Variants in PCDHA9 observed in about 807,000 individuals in gnomAD.
PCDHA9 encodes the protein protocadherin alpha 9.
A neutral mutation model predicts 62.0 loss-of-function variants in PCDHA9; 62 were observed. The ratio of observed to expected loss-of-function variants is 1.00; its 90% CI spans 0.81 to 1.23. The LOEUF (loss-of-function observed/expected upper bound fraction) is 1.23, where lower values mean the gene tolerates loss of function less well. PCDHA9 is among the 50% of genes most tolerant of loss of function. PCDHA9 has a pLI of 0.00. For missense variants in PCDHA9, 1,205 were observed against 1,249.8 expected (o/e 0.96, Z 0.54); for synonymous variants, 557 against 567.6 (o/e 0.98, Z 0.27).
chr5:140,871,445 A>C, intron 1 of PCDHA9: 1 of 1,609,986 alleles, frequency 6.2e-7, no homozygotes, highest in Non-Finnish European at 8.5e-7. Flanking sequence ...GGTCTGAATA[A>C]AGAGGAGGAA....
At chr5:140,981,457 C>T (rs910127197) in intron 2 of PCDHA9, among the ~76,000 whole-genome samples, 6 of 152,064 alleles carry the variant, frequency 3.9e-5, no homozygotes, top group African/African-American at 7.2e-5. Context: ...GCCTGTAGTC[C>T]CAGCTACTTG....
At position 140,856,500 on chromosome 5, in the gene PCDHA9, T is replaced by G. The variant is rs371158035; in HGVS notation, c.2394+5611T>G. 1.4e-5 allele frequency: 22 copies of G among 1,598,280 alleles called. 1 individual carries two copies. The African/African-American group carries it at 3.0e-4, about 22-fold the overall frequency. ...GAATCCAGACTGCTTGACTCTCGAT[T>G]TCCACTAGAAGGCGCATCTGATGCG... On this transcript the variant is annotated intron_variant, in intron 1 of 3. Transcript: ENST00000532602.
At chr5:140,897,237 G>C (rs1188679482) in intron 1 of PCDHA9, among the ~76,000 whole-genome samples, 1 of 151,784 alleles carries the variant, frequency 6.6e-6, no homozygotes, top group African/African-American at 2.4e-5. Context: ...CAATGTGCAG[G>C]TTAGTTACAT....
intron 1 of PCDHA9, chr5:140,852,261 A>G: frequency 2.0e-6 from 1 of 506,240 alleles, no homozygotes; most frequent in Non-Finnish European, 2.6e-6. Flanking sequence ...GGAATATGCT[A>G]CAATATTACA....
At chr5:140,876,004 T>A in intron 1 of PCDHA9, 1 of 1,613,866 alleles carries the variant, frequency 6.2e-7, no homozygotes, top group African/African-American at 1.3e-5. Context: ...AAATGAGAAT[T>A]TTGAGCTTAA....
chr5:140,875,854 G>A (rs1448268904), intron 1 of PCDHA9: 6 of 1,614,160 alleles, frequency 3.7e-6, no homozygotes, highest in Non-Finnish European at 5.1e-6. Flanking sequence ...GGACATTAAC[G>A]ACAACCCGCC....
chr5:140,848,569 T>C lies in PCDHA9; in HGVS notation c.74T>C (p.Val25Ala), dbSNP rs1382719331. Residue 25 changes from valine (V) to alanine (A), a missense_variant, in exon 1 of 4, where the codon GTG becomes GCG. By Grantham distance (64) the Val-to-Ala change is moderately conservative. Around this residue, in one of 3 missense-constraint regions of PCDHA9, gnomAD observed 208 missense variants for 213.2 expected, o/e 0.98. Coordinates refer to ENST00000532602, the MANE Select transcript of PCDHA9 (RefSeq NM_031857.2). ...LLSLLILAMW[V>A]VGSGQLHYSV... ...TCGCTTCTGATCCTCGCAATGTGGG[T>C]GGTGGGGAGCGGCCAGCTCCACTAC... 5.0e-6 allele frequency: 8 copies of C among 1,595,090 alleles called. 2 individuals carry two copies. The highest frequency in any genetic ancestry group is 6.9e-6 in the Non-Finnish European group (8 of 1,165,390).
At chr5:141,007,839 A>C (rs782046722) in intron 3 of PCDHA9, among the ~76,000 whole-genome samples, 2 of 152,226 alleles carry the variant, frequency 1.3e-5, no homozygotes, top group Non-Finnish European at 2.9e-5. Context: ...TACCCATTAG[A>C]GACTCAAAGT....
At chr5:141,005,093 G>A (rs1441843884) in intron 3 of PCDHA9, among the ~76,000 whole-genome samples, 1 of 152,172 alleles carries the variant, frequency 6.6e-6, no homozygotes, top group East Asian at 1.9e-4. Flanking sequence ...TACTTTACAT[G>A]CATTACATCA....
Position 140,982,517 on chromosome 5 carries a change from A to T in PCDHA9, c.2496A>T (p.Pro832=), listed in dbSNP as rs990701966. The T allele has an allele frequency of 2.5e-5, 41 of 1,614,116 alleles. No individual in the cohort carries two copies. The highest frequency in any genetic ancestry group is 3.4e-5 in the Non-Finnish European group (40 of 1,180,048). Residue 832 remains proline, a synonymous_variant, in exon 3 of 4, where the codon CCA becomes CCT. Coordinates refer to ENST00000532602, the MANE Select transcript of PCDHA9 (RefSeq NM_031857.2). The part of the protein sequence containing the change: ...LEEAGILRAG[P]GGPDQQWPTV... ...AGGCTGGCATTCTACGGGCTGGTCC[A>T]GGAGGGCCTGATCAGCAGTGGCCAA...
intron 1 of PCDHA9, chr5:140,862,573 G>A (rs1252034022): frequency 4.1e-6 from 2 of 484,618 alleles, no homozygotes; most frequent in East Asian, 1.1e-4. Context: ...CAATGCCCTG[G>A]CGTTCCAGCA....
intron 1 of PCDHA9, among the ~76,000 whole-genome samples, chr5:140,932,861 G>A (rs1554209099): frequency 6.6e-6 from 1 of 151,858 alleles, no homozygotes; most frequent in Non-Finnish European, 1.5e-5. Flanking sequence ...ATGACTTATT[G>A]TCTTTTGTTG....
At position 140,996,204 on chromosome 5, in the gene PCDHA9, A is replaced by G. The variant is rs1405552013; in HGVS notation, c.2543-13423A>G. ...TCCATTTTATACCCTCAATGCAAGG[A>G]TATCACTACTTGTCTAGAAATGGTT... On this transcript the variant is annotated intron_variant, in intron 3 of 3. Coordinates refer to ENST00000532602, the MANE Select transcript of PCDHA9 (RefSeq NM_031857.2). Among the ~76,000 whole-genome samples the G allele has an allele frequency of 7.2e-5, 11 of 152,240 alleles. No homozygotes were observed. The South Asian group carries it at 2.3e-3, about 32-fold the overall frequency.
At chr5:140,969,141 G>T in intron 1 of PCDHA9, 1 of 1,614,158 alleles carries the variant, frequency 6.2e-7, no homozygotes, top group Non-Finnish European at 8.5e-7. Context: ...AAGACCTACT[G>T]CTACAAGGCC....
chr5:140,898,995 T>C (rs1176186680), intron 1 of PCDHA9, among the ~76,000 whole-genome samples: 4 of 151,956 alleles, frequency 2.6e-5, no homozygotes, highest in Non-Finnish European at 5.9e-5. Flanking sequence ...TCTGTTTGTC[T>C]GTTATTGGTG....
intron 1 of PCDHA9, chr5:140,884,703 A>C: frequency 1.3e-6 from 2 of 1,495,534 alleles, no homozygotes; most frequent in Non-Finnish European, 1.8e-6. Flanking sequence ...TAAACACTTT[A>C]GCCTTCCTTG....
intron 1 of PCDHA9, among the ~76,000 whole-genome samples, chr5:140,913,872 G>A (rs2076493472): frequency 6.6e-6 from 1 of 151,980 alleles, no homozygotes; most frequent in Non-Finnish European, 1.5e-5. Flanking sequence ...TAATTTCCAT[G>A]TGTTCATGTA....
Position 140,901,601 on chromosome 5 carries a change from A to T in PCDHA9, c.2394+50712A>T, listed in dbSNP as rs1448240708. Among the ~76,000 whole-genome samples, 3 of 152,078 alleles carry T rather than the reference A, an allele frequency of 2.0e-5. 1 individual carries two copies. The highest frequency in any genetic ancestry group is 1.3e-4 in the Admixed American group (2 of 15,264). On this transcript the variant is annotated intron_variant, in intron 1 of 3. Transcript: ENST00000532602. Reference sequence around the variant, plus strand: ...AGTGCCATGATGTTTTGGTTACTATATCTCTATGGTATAATTTGAAGTCAG... The same window carrying T: ...AGTGCCATGATGTTTTGGTTACTATTTCTCTATGGTATAATTTGAAGTCAG...
At chr5:140,887,661 T>A (rs1322494406) in intron 1 of PCDHA9, among the ~76,000 whole-genome samples, 1 of 152,170 alleles carries the variant, frequency 6.6e-6, no homozygotes, top group African/African-American at 2.4e-5. Context: ...CTTGGATCTG[T>A]GGATTTATCA....
Sources: allele counts gnomAD v4.1 joint callset (sites outside exome capture counted in the v4.1 genomes callset), GRCh38; gene constraint gnomAD v4.1.1; regional missense constraint gnomAD v4.1.1; transcripts MANE v1.5; gene names NCBI Gene and HGNC (gene_info 2026-07-23, HGNC 2026-07-21).